The following GPC6 variants were observed in gnomAD, a reference collection of about 807,000 sequenced individuals.
GPC6 encodes glypican-6.
A neutral mutation model predicts 55.2 loss-of-function variants in GPC6; 14 were observed. That is an observed-to-expected ratio of 0.25 (90% CI 0.17 to 0.40). The LOEUF (loss-of-function observed/expected upper bound fraction) is 0.40, where lower values mean the gene tolerates loss of function less well. Among genes scored for constraint, GPC6 ranks in the 10% least tolerant of loss-of-function variants. The pLI is 1.00. For missense variants in GPC6, 641 were observed against 708.5 expected (o/e 0.90, Z 1.08); for synonymous variants, 278 against 259.6 (o/e 1.07, Z -0.68).
rs951605306 is a variant in GPC6, at chr13:93,449,146, T to C, written c.161-96117T>C. 4.9e-4 allele frequency among the ~76,000 whole-genome samples: 74 copies of C among 152,164 alleles called. 1 individual carries two copies. Among genetic ancestry groups the C allele is most frequent in the African/African-American group, 1.5e-3 (63 of 41,430 alleles). ...TGTGAAATGAGTGAACAAAGCACAA[T>C]GTAAGGATGCCCATGCATGCTGTGA... On this transcript the variant is annotated intron_variant, in intron 1 of 8. Transcript: ENST00000377047.
chr13:93,748,120 A>G (rs1386132589), intron 2 of GPC6, among the ~76,000 whole-genome samples: 1 of 152,220 alleles, frequency 6.6e-6, no homozygotes, highest in East Asian at 1.9e-4. Flanking sequence ...TGTAGTGCTT[A>G]CTGCCTTAAA....
intron 4 of GPC6, among the ~76,000 whole-genome samples, chr13:94,201,475 A>AAT (rs1889746485): frequency 6.6e-6 from 1 of 152,014 alleles, no homozygotes; most frequent in Non-Finnish European, 1.5e-5. Flanking sequence ...CACACCAAAA[A>AAT]ATATATATAT....
At chr13:93,533,996 A>G (rs745534123) in intron 1 of GPC6, among the ~76,000 whole-genome samples, 14 of 152,110 alleles carry the variant, frequency 9.2e-5, no homozygotes, top group Admixed American at 2.0e-4. Flanking sequence ...AGGAAGCTGG[A>G]GAAACAGGAG....
At position 93,937,680 on chromosome 13, in the gene GPC6, G is replaced by A. The variant is rs537372640; in HGVS notation, c.712-90049G>A. 5.3e-5 allele frequency among the ~76,000 whole-genome samples: 8 copies of A among 152,234 alleles called. No homozygotes were observed. In the South Asian group the frequency reaches 1.7e-3, roughly 32 times the overall value. On this transcript the variant is annotated intron_variant, in intron 3 of 8. Coordinates refer to ENST00000377047, the MANE Select transcript of GPC6 (RefSeq NM_005708.5). ...TGCAACCTCTGCCTCCCGGATTCAA[G>A]CGATTCTCCTGCCTCATCCTCCTGA...
intron 1 of GPC6, among the ~76,000 whole-genome samples, chr13:93,284,151 T>A (rs998978223): frequency 6.6e-6 from 1 of 152,238 alleles, no homozygotes; most frequent in Non-Finnish European, 1.5e-5. Flanking sequence ...AGCAAGTGCA[T>A]CTGATTTTAT....
chr13:93,839,754 A>G (rs1343096914), intron 3 of GPC6, among the ~76,000 whole-genome samples: 2 of 152,140 alleles, frequency 1.3e-5, no homozygotes, highest in Non-Finnish European at 2.9e-5. Context: ...TCAGCGCACT[A>G]TAGAGGTTTC....
rs1876111435 is a variant in GPC6, at chr13:93,402,072, AGT to A, written c.161-143190_161-143189del. Among the ~76,000 whole-genome samples the A allele has an allele frequency of 5.9e-5, 9 of 152,324 alleles. 2 individuals are homozygous for A. The highest frequency in any genetic ancestry group is 2.2e-4 in the African/African-American group (9 of 41,576). ...CTAACTGGTCCAGTGTCATAGGACAAGTAAAAGGAAGAGTCAGGATGAGAGGC... is the reference window on the plus strand; with the variant it reads ...CTAACTGGTCCAGTGTCATAGGACAAAAAAGGAAGAGTCAGGATGAGAGGC... On this transcript the variant is annotated intron_variant, in intron 1 of 8. Transcript: ENST00000377047.
At chr13:94,049,295 C>T (rs1883850324) in intron 4 of GPC6, among the ~76,000 whole-genome samples, 1 of 151,754 alleles carries the variant, frequency 6.6e-6, no homozygotes, top group South Asian at 2.1e-4. Flanking sequence ...CTATCTCCTC[C>T]CTCCTCCCCA....
At chr13:93,425,918 G>A (rs954942685) in intron 1 of GPC6, among the ~76,000 whole-genome samples, 2 of 152,080 alleles carry the variant, frequency 1.3e-5, no homozygotes, top group African/African-American at 4.8e-5. Context: ...GCAGCCCACG[G>A]CTTTATTTCC....
chr13:93,821,584 A>G (rs562396862), intron 2 of GPC6, among the ~76,000 whole-genome samples: 1 of 152,338 alleles, frequency 6.6e-6, no homozygotes, highest in East Asian at 1.9e-4. Context: ...TGTTGCAATT[A>G]TAATCATTTG....
At chr13:93,873,149 T>A (rs1889182387) in intron 3 of GPC6, among the ~76,000 whole-genome samples, 1 of 151,802 alleles carries the variant, frequency 6.6e-6, no homozygotes, top group African/African-American at 2.4e-5. Flanking sequence ...GGTCATATGG[T>A]CACACACTTA....
At chr13:94,231,894 A>T (rs1170770462) in intron 4 of GPC6, among the ~76,000 whole-genome samples, 2 of 152,188 alleles carry the variant, frequency 1.3e-5, no homozygotes, top group Admixed American at 6.5e-5. Flanking sequence ...AAAAATTTTT[A>T]AAAAGTTTTT....
chr13:94,059,046 A>G (rs1476580063), intron 4 of GPC6, among the ~76,000 whole-genome samples: 9 of 152,122 alleles, frequency 5.9e-5, no homozygotes, highest in Admixed American at 5.9e-4. Context: ...TTACAAAATG[A>G]AAACCAAAAA....
intron 1 of GPC6, among the ~76,000 whole-genome samples, chr13:93,446,903 AAG>A (rs1878025515): frequency 1.3e-5 from 2 of 152,182 alleles, no homozygotes; most frequent in Admixed American, 6.5e-5. Context: ...AAAATAAAAA[AAG>A]AATTTTTAAA....
At chr13:93,337,503 TA>T (rs145498277) in intron 1 of GPC6, among the ~76,000 whole-genome samples, 16 of 146,840 alleles carry the variant, frequency 1.1e-4, no homozygotes, top group Admixed American at 2.7e-4. Context: ...CACTTAAAGG[TA>T]AAAAAAAAAG....
intron 3 of GPC6, among the ~76,000 whole-genome samples, chr13:93,857,446 G>A (rs988381464): frequency 6.6e-6 from 1 of 151,480 alleles, no homozygotes; most frequent in African/African-American, 2.4e-5. Context: ...TAATAAAATG[G>A]TGCCTTTGTC....
At chr13:93,510,975 A>ATATATATATGTATATATATATGTG (rs1880940987) in intron 1 of GPC6, among the ~76,000 whole-genome samples, 2 of 6,984 alleles carry the variant, frequency 2.9e-4, no homozygotes, top group Non-Finnish European at 9.2e-4. Flanking sequence ...ATATATGTGT[A>ATATATATATGTATATATATATGTG]TATATATATG....
chr13:94,096,047 A>G (rs186040641), intron 4 of GPC6, among the ~76,000 whole-genome samples: 1 of 152,176 alleles, frequency 6.6e-6, no homozygotes, highest in Admixed American at 6.5e-5. Flanking sequence ...AATAAGCAAA[A>G]GTTTTGCTGG....
chr13:94,108,351 G>A (rs925613170), intron 4 of GPC6, among the ~76,000 whole-genome samples: 7 of 152,074 alleles, frequency 4.6e-5, no homozygotes, highest in African/African-American at 1.2e-4. Flanking sequence ...GGATTCAAGG[G>A]CATAAGAATG....
Sources: allele counts gnomAD v4.1 joint callset (sites outside exome capture counted in the v4.1 genomes callset), GRCh38; gene constraint gnomAD v4.1.1; transcripts MANE v1.5; gene names NCBI Gene and HGNC (gene_info 2026-07-23, HGNC 2026-07-21).